Variants in PTPN6 observed in about 807,000 individuals in gnomAD.
PTPN6 encodes protein tyrosine phosphatase non-receptor type 6.
PTPN6 carries 18 observed loss-of-function variants against 81.5 expected under a neutral mutation model. The observed-to-expected ratio is 0.22, with a 90% CI of 0.15 to 0.33. The LOEUF is 0.33. Among genes scored for constraint, PTPN6 ranks in the 10% least tolerant of loss-of-function variants. The pLI is 1.00. For synonymous variants in PTPN6, 301 were observed against 310.9 expected (o/e 0.97, Z 0.33); for missense variants, 500 against 794.2 (o/e 0.63, Z 4.45).
At chr12:6,961,003 G>A in intron 15 of PTPN6, 58 bp downstream of exon 15, 1 of 1,547,084 alleles carries the variant, frequency 6.5e-7, no homozygotes, top group South Asian at 1.2e-5. Flanking sequence ...TGGCTCCACT[G>A]CCTTCCCTGG....
chr12:6,946,715 C>T (rs1482808878), upstream of PTPN6: 4 of 1,611,866 alleles, frequency 2.5e-6, no homozygotes, highest in African/African-American at 4.0e-5. Flanking sequence ...CTTCCCCCTC[C>T]CTACAGAGAG....
rs1946113103 is a variant in PTPN6, at chr12:6,960,287, T to A, written c.1581+48T>A. The A allele has an allele frequency of 6.2e-7, 1 of 1,603,354 alleles. No individual in the cohort carries two copies. The highest frequency in any genetic ancestry group is 8.5e-7 in the Non-Finnish European group (1 of 1,176,584). ...GGGGGGGGGGGGCTGCAGTGCAGGA[T>A]GGGTGCCACCTGGCCCTGCTGGGAC... On this transcript the variant is annotated intron_variant, in intron 13 of 15. Coordinates refer to ENST00000318974, the MANE Select transcript of PTPN6 (RefSeq NM_002831.6). This position sits in a 1 kb window ranked among gnomAD's most constrained non-coding sequence, Gnocchi z 6.1.
chr12:6,960,453 C>G lies in PTPN6; in HGVS notation c.1673+18C>G. The G allele has an allele frequency of 1.2e-6, 2 of 1,607,162 alleles. No individual in the cohort carries two copies. Among genetic ancestry groups the G allele is most frequent in the East Asian group, 2.2e-5 (1 of 44,824 alleles). On this transcript the variant is annotated intron_variant, in intron 14 of 15. Coordinates refer to ENST00000318974, the MANE Select transcript of PTPN6 (RefSeq NM_002831.6). The surrounding 1 kb of genome is among the most constrained non-coding windows in gnomAD (Gnocchi z 6.1). ...TCGTCCAAGTGAGTGGCCCTGACTGCCACTGCCCGGCATCCACCCCTTTGT... is the reference window on the plus strand; with the variant it reads ...TCGTCCAAGTGAGTGGCCCTGACTGGCACTGCCCGGCATCCACCCCTTTGT...
upstream of PTPN6, among the ~76,000 whole-genome samples, chr12:6,947,150 CTTT>C (rs1185915727): frequency 2.0e-5 from 3 of 152,320 alleles, no homozygotes; most frequent in East Asian, 1.9e-4. Context: ...GTCCCATCTT[CTTT>C]GTTTCCTTTC....
chr12:6,958,089 C>T lies in PTPN6; in HGVS notation c.1361+16C>T. 1.2e-6 allele frequency: 2 copies of T among 1,608,274 alleles called. No individual in the cohort carries two copies. Among genetic ancestry groups the T allele is most frequent in the Non-Finnish European group, 1.7e-6 (2 of 1,179,958 alleles). On this transcript the variant is annotated intron_variant, in intron 11 of 15. Coordinates refer to ENST00000318974, the MANE Select transcript of PTPN6 (RefSeq NM_002831.6). ...TGCACTGCAGGTGAGGATGATAATCCTGATGGTAGTAGTGACAGCTGAGAA... is the reference window on the plus strand; with the variant it reads ...TGCACTGCAGGTGAGGATGATAATCTTGATGGTAGTAGTGACAGCTGAGAA...
In PTPN6 at chr12:6,960,636, G is replaced by A. The variant is rs994636277; in HGVS notation, c.1674-170G>A. The A allele has an allele frequency of 2.0e-6, 3 of 1,535,222 alleles. No homozygotes were observed. The highest frequency in any genetic ancestry group is 2.8e-5 in the African/African-American group (2 of 72,640). On this transcript the variant is annotated intron_variant, in intron 14 of 15. Transcript: ENST00000318974. The surrounding 1 kb of genome is among the most constrained non-coding windows in gnomAD (Gnocchi z 6.1). Reference sequence around the variant, plus strand: ...TGCTAGGTACCAGCAGCGCACTCGTGTATGAGATGTAGCCTCTGTCCTCTA... The same window carrying A: ...TGCTAGGTACCAGCAGCGCACTCGTATATGAGATGTAGCCTCTGTCCTCTA...
Position 6,959,814 on chromosome 12 carries a change from C to T in PTPN6, c.1362-113C>T. 8.8e-7 allele frequency: 1 copy of T among 1,142,140 alleles called. No individual in the cohort carries two copies. The highest frequency in any genetic ancestry group is 1.2e-5 in the South Asian group (1 of 80,848). The allele number at this position is 1,142,140 out of a possible 1,614,324, so 70.8% of individuals were successfully genotyped here. A position where few individuals can be genotyped will look rare whatever the true frequency, so the allele number is the denominator to read the frequency against. Reference sequence around the variant, plus strand: ...TGACCCTGGGCACATTCCCTCCCATCACTGGAGGCTCAGGCTGCTCCTGTG... The same window carrying T: ...TGACCCTGGGCACATTCCCTCCCATTACTGGAGGCTCAGGCTGCTCCTGTG... On this transcript the variant is annotated intron_variant, in intron 11 of 15. Coordinates refer to ENST00000318974, the MANE Select transcript of PTPN6 (RefSeq NM_002831.6). This position sits in a 1 kb window ranked among gnomAD's most constrained non-coding sequence, Gnocchi z 6.6.
chr12:6,950,347 G>A (rs868960527), upstream of PTPN6, among the ~76,000 whole-genome samples: 57 of 152,064 alleles, frequency 3.7e-4, no homozygotes, highest in African/African-American at 8.0e-4. Context: ...GCTTTTCCTC[G>A]TTTTGGTTTG....
At position 6,960,132 on chromosome 12, in the gene PTPN6, C is replaced by T. The variant is rs781904280; in HGVS notation, c.1474C>T (p.Arg492Trp). 2 of 1,613,630 alleles carry T rather than the reference C, an allele frequency of 1.2e-6. No individual in the cohort carries two copies. Among genetic ancestry groups the T allele is most frequent in the African/African-American group, 1.3e-5 (1 of 74,904 alleles). Residue 492 changes from arginine to tryptophan, a missense_variant, in exon 13 of 16, where the codon CGG becomes TGG. This residue lies in a region of PTPN6 where 226 missense variants were observed against 364.4 expected (regional missense o/e 0.62). Transcript: ENST00000318974. This position sits in a 1 kb window ranked among gnomAD's most constrained non-coding sequence, Gnocchi z 6.1. ...IDIQKTIQMV[R>W]AQRSGMVQTE... ...CATCCAGAAGACCATCCAGATGGTGCGGGCGCAGCGCTCGGGCATGGTGCA... is the reference window on the plus strand; with the variant it reads ...CATCCAGAAGACCATCCAGATGGTGTGGGCGCAGCGCTCGGGCATGGTGCA...
In PTPN6 at chr12:6,951,918, A is replaced by G. The variant is rs1555147841; in HGVS notation, c.132-65A>G. 5 of 1,578,128 alleles carry G rather than the reference A, an allele frequency of 3.2e-6. No individual in the cohort carries two copies. The highest frequency in any genetic ancestry group is 4.3e-6 in the Non-Finnish European group (5 of 1,155,260). Reference sequence around the variant, plus strand: ...CATGTGTGCCCCCACCCAGGACCTCAGCCGATCCCTGCCCTCCTGCCTCTA... The same window carrying G: ...CATGTGTGCCCCCACCCAGGACCTCGGCCGATCCCTGCCCTCCTGCCTCTA... On this transcript the variant is annotated intron_variant, in intron 2 of 15. Coordinates refer to ENST00000318974, the MANE Select transcript of PTPN6 (RefSeq NM_002831.6). The surrounding 1 kb of genome is among the most constrained non-coding windows in gnomAD (Gnocchi z 7.2).
At chr12:6,949,363 C>T (rs1236094430), upstream of PTPN6, among the ~76,000 whole-genome samples, 7 of 152,210 alleles carry the variant, frequency 4.6e-5, no homozygotes, top group African/African-American at 1.7e-4. Context: ...GGGAGCACTT[C>T]TTCCTCCACC....
upstream of PTPN6, chr12:6,951,281 GA>G: frequency 6.9e-7 from 1 of 1,449,734 alleles, no homozygotes; most frequent in Non-Finnish European, 9.1e-7. This position sits in a 1 kb window ranked among gnomAD's most constrained non-coding sequence, Gnocchi z 7.2. Context: ...GCTCTAAAAC[GA>G]GAAGTACAAG....
Position 6,956,613 on chromosome 12 carries a change from C to T in PTPN6, c.1074+45C>T. The stretch of plus-strand genomic sequence containing the variant: ...CCGCATCCGCCCCCGTGCTTGTGGT[C>T]ATGCCATTAAGTCGAAGAGCAGTCA... On this transcript the variant is annotated intron_variant, in intron 9 of 15. Coordinates refer to ENST00000318974, the MANE Select transcript of PTPN6 (RefSeq NM_002831.6). This position sits in a 1 kb window ranked among gnomAD's most constrained non-coding sequence, Gnocchi z 4.1. 1 of 1,611,112 alleles carries T rather than the reference C, an allele frequency of 6.2e-7. No homozygotes were observed. The highest frequency in any genetic ancestry group is 1.1e-5 in the South Asian group (1 of 90,864).
intron 15 of PTPN6, 83 bp downstream of exon 15, chr12:6,961,028 C>T (rs1173185222): frequency 3.0e-5 from 46 of 1,536,600 alleles, no homozygotes; most frequent in South Asian, 1.9e-4. Context: ...ATGGGGTGGC[C>T]GCAGCCTCAT....
chr12:6,956,025 C>A lies in PTPN6; in HGVS notation c.845-117C>A, dbSNP rs782201632. 1 of 1,074,376 alleles carries A rather than the reference C, an allele frequency of 9.3e-7. No individual in the cohort carries two copies. The highest frequency in any genetic ancestry group is 1.3e-5 in the South Asian group (1 of 76,496). The allele number at this position is 1,074,376 out of a possible 1,614,324, so 66.6% of individuals were successfully genotyped here. On this transcript the variant is annotated intron_variant, in intron 7 of 15. Transcript: ENST00000318974. This position sits in a 1 kb window ranked among gnomAD's most constrained non-coding sequence, Gnocchi z 4.1. Reference sequence around the variant, plus strand: ...CCCACCCCTGCTGCCCACAGTCCCCCGCAAGCCTCATGGCTTCTGAGACCA... The same window carrying A: ...CCCACCCCTGCTGCCCACAGTCCCCAGCAAGCCTCATGGCTTCTGAGACCA...
At chr12:6,949,109 C>G (rs1555147322), upstream of PTPN6, among the ~76,000 whole-genome samples, 1 of 152,172 alleles carries the variant, frequency 6.6e-6, no homozygotes, top group African/African-American at 2.4e-5. Flanking sequence ...CGATGGGGTT[C>G]CTACTGAGTC....
rs782348144 is a variant in PTPN6 at position 6,951,808 on chromosome 12, G to T, written c.131+77G>T. 2.3e-4 allele frequency: 365 copies of T among 1,600,586 alleles called. 4 individuals are homozygous for T. The South Asian group carries it at 3.9e-3, about 17-fold the overall frequency. On this transcript the variant is annotated intron_variant, in intron 2 of 15. Coordinates refer to ENST00000318974, the MANE Select transcript of PTPN6 (RefSeq NM_002831.6). This position sits in a 1 kb window ranked among gnomAD's most constrained non-coding sequence, Gnocchi z 7.2. Reference sequence around the variant, plus strand: ...CCAGGCCCTGAACCACTCATTCCTGGTTCCCCGTGGCAGTGCTGACTCCCC... The same window carrying T: ...CCAGGCCCTGAACCACTCATTCCTGTTTCCCCGTGGCAGTGCTGACTCCCC...
rs782765425 is a variant in PTPN6 at position 6,951,862 on chromosome 12, C to G, written c.132-121C>G. On this transcript the variant is annotated intron_variant, in intron 2 of 15. Coordinates refer to ENST00000318974, the MANE Select transcript of PTPN6 (RefSeq NM_002831.6). The surrounding 1 kb of genome is among the most constrained non-coding windows in gnomAD (Gnocchi z 7.2). ...TGTTCCCTTGCCCCCAACCCCCACA[C>G]TCCCCATCCCTGTCTGTGCCCACCC... is the stretch of plus-strand genomic sequence containing the variant. 44 of 1,561,710 alleles carry G rather than the reference C, an allele frequency of 2.8e-5. No individual in the cohort carries two copies. The highest frequency in any genetic ancestry group is 4.5e-5 in the East Asian group (2 of 44,336).
Position 6,959,001 on chromosome 12 carries a change from C to G in PTPN6, c.1362-926C>G, listed in dbSNP as rs1946080779. On this transcript the variant is annotated intron_variant, in intron 11 of 15. Coordinates refer to ENST00000318974, the MANE Select transcript of PTPN6 (RefSeq NM_002831.6). This position sits in a 1 kb window ranked among gnomAD's most constrained non-coding sequence, Gnocchi z 6.6. ...AGAGAATAGGGGAATGGGAACCTGCCTTGCCCCGGTCCCTTCCCACTCCCT... is the reference window on the plus strand; with the variant it reads ...AGAGAATAGGGGAATGGGAACCTGCGTTGCCCCGGTCCCTTCCCACTCCCT... Among the ~76,000 whole-genome samples the G allele has an allele frequency of 6.6e-6, 1 of 152,226 alleles. No individual in the cohort carries two copies. The highest frequency in any genetic ancestry group is 2.1e-4 in the South Asian group (1 of 4,834).
Sources: allele counts gnomAD v4.1 joint callset (sites outside exome capture counted in the v4.1 genomes callset), GRCh38; gene constraint gnomAD v4.1.1; regional missense constraint gnomAD v4.1.1; non-coding constraint Gnocchi (gnomAD v3.1); transcripts MANE v1.5; gene names NCBI Gene and HGNC (gene_info 2026-07-23, HGNC 2026-07-21).